The following RBFOX1 variants were observed in gnomAD, a reference collection of about 807,000 sequenced individuals.
RBFOX1 encodes RNA binding protein fox-1 homolog 1.
RBFOX1 carries 8 observed loss-of-function variants against 57.7 expected under a neutral mutation model. That is an observed-to-expected ratio of 0.14 (90% CI 0.08 to 0.25). The LOEUF (loss-of-function observed/expected upper bound fraction) is 0.25. Ranked by LOEUF, RBFOX1 falls within the 10% of genes least tolerant of loss-of-function variation. The pLI is 1.00. For missense variants in RBFOX1, 611 were observed against 548.5 expected, an observed-to-expected ratio of 1.11 and a Z score of -1.14; for synonymous variants, 326 against 222.4, an observed-to-expected ratio of 1.47 and a Z score of -4.15.
chr16:6,916,240 A>T (rs76615524), intron 3 of RBFOX1, among the ~76,000 whole-genome samples: 7 of 152,184 alleles, frequency 4.6e-5, no homozygotes, highest in Non-Finnish European at 8.8e-5. Flanking sequence ...TCAGAAGTCA[A>T]TATGGCAGAT....
intron 3 of RBFOX1, among the ~76,000 whole-genome samples, chr16:5,745,051 G>T (rs1379528557): frequency 2.6e-5 from 4 of 152,118 alleles, no homozygotes; most frequent in African/African-American, 9.7e-5. Context: ...CCATTAACTT[G>T]TCATTTACAT....
At chr16:6,460,308 G>A (rs896201461) in intron 2 of RBFOX1, among the ~76,000 whole-genome samples, 2 of 152,014 alleles carry the variant, frequency 1.3e-5, no homozygotes, top group African/African-American at 4.8e-5. Flanking sequence ...ACTGGTCATA[G>A]TGGACAACCT....
At chr16:5,604,163 C>G (rs1056678121), downstream of RBFOX1, among the ~76,000 whole-genome samples, 1 of 152,170 alleles carries the variant, frequency 6.6e-6, no homozygotes, top group Admixed American at 6.5e-5. Flanking sequence ...AGCCATATTT[C>G]AAAACCCCTG....
chr16:6,090,423 A>G (rs569562780), intron 1 of RBFOX1, among the ~76,000 whole-genome samples: 4 of 152,198 alleles, frequency 2.6e-5, no homozygotes, highest in Non-Finnish European at 5.9e-5. Flanking sequence ...TGAGTGTAGC[A>G]GCAAGCAGTC....
intron 3 of RBFOX1, among the ~76,000 whole-genome samples, chr16:6,746,815 C>G (rs1037697513): frequency 2.0e-5 from 3 of 152,074 alleles, no homozygotes; most frequent in African/African-American, 7.2e-5. Flanking sequence ...TGCTAGTGAT[C>G]CCAAGTCTGT....
At chr16:7,176,987 A>G (rs1430957363) in intron 4 of RBFOX1, among the ~76,000 whole-genome samples, 3 of 152,190 alleles carry the variant, frequency 2.0e-5, no homozygotes. Context: ...TTTCAATAGA[A>G]AAATAAAAAC....
intron 2 of RBFOX1, among the ~76,000 whole-genome samples, chr16:6,566,575 C>G (rs917612986): frequency 6.6e-6 from 1 of 152,090 alleles, no homozygotes; most frequent in African/African-American, 2.4e-5. Context: ...CCTTTGTTTG[C>G]CGAAATACTG....
chr16:5,354,560 C>T (rs914948092), intron 1 of RBFOX1, among the ~76,000 whole-genome samples: 7 of 152,222 alleles, frequency 4.6e-5, no homozygotes, highest in Non-Finnish European at 1.0e-4. Flanking sequence ...GGGATCAATA[C>T]ATTCTGGCTA....
At chr16:5,532,319 C>T in intron 2 of RBFOX1, among the ~76,000 whole-genome samples, 1 of 152,184 alleles carries the variant, frequency 6.6e-6, no homozygotes, top group African/African-American at 2.4e-5. Context: ...ATCGCCATCA[C>T]TTGAGAACCA....
At chr16:6,394,091 C>G (rs1388267892) in intron 2 of RBFOX1, among the ~76,000 whole-genome samples, 1 of 152,154 alleles carries the variant, frequency 6.6e-6, no homozygotes, top group Non-Finnish European at 1.5e-5. Context: ...CTGTGCATCT[C>G]CACTGCTTCA....
chr16:5,602,566 C>T (rs959814989), downstream of RBFOX1, among the ~76,000 whole-genome samples: 2 of 152,094 alleles, frequency 1.3e-5, no homozygotes, highest in African/African-American at 4.8e-5. Flanking sequence ...TTATATGATT[C>T]CAATTGTGTG....
At chr16:5,908,070 G>GTGTGTGTGTGTATA (rs531475482) in intron 4 of RBFOX1, among the ~76,000 whole-genome samples, 22 of 129,046 alleles carry the variant, frequency 1.7e-4, no homozygotes, top group African/African-American at 6.0e-4. Flanking sequence ...ATGTGTGTAT[G>GTGTGTGTGTGTATA]TATATATATA....
At chr16:6,750,091 G>C (rs116988221) in intron 3 of RBFOX1, among the ~76,000 whole-genome samples, 1 of 152,076 alleles carries the variant, frequency 6.6e-6, no homozygotes, top group African/African-American at 2.4e-5. Flanking sequence ...GAGGTGTATA[G>C]GGTTATGATC....
At chr16:6,689,720 G>A (rs1055100472) in intron 3 of RBFOX1, among the ~76,000 whole-genome samples, 3 of 152,220 alleles carry the variant, frequency 2.0e-5, no homozygotes, top group East Asian at 1.9e-4. Flanking sequence ...GTTCTGTTTG[G>A]TTCTTCCCTG....
At chr16:7,581,232 C>A (rs1316445536) in intron 6 of RBFOX1, among the ~76,000 whole-genome samples, 1 of 152,148 alleles carries the variant, frequency 6.6e-6, no homozygotes, top group Non-Finnish European at 1.5e-5. Flanking sequence ...TTGGTAATAA[C>A]CTTGAGTTGA....
chr16:7,490,891 T>C lies in RBFOX1; in HGVS notation c.28-27256T>C, dbSNP rs1457103903. On this transcript the variant is annotated intron_variant, in intron 4 of 15. Coordinates refer to ENST00000550418, the MANE Select transcript of RBFOX1 (RefSeq NM_018723.4). Reference sequence around the variant, plus strand: ...TGTTTTGCTCTGACATTAGGGTGTCTTTATCAGCCTAAGGATACATAGATT... The same window carrying C: ...TGTTTTGCTCTGACATTAGGGTGTCCTTATCAGCCTAAGGATACATAGATT... Among the ~76,000 whole-genome samples, 3 of 152,220 alleles carry C rather than the reference T, an allele frequency of 2.0e-5. No individual in the cohort carries two copies. In the East Asian group the frequency reaches 5.8e-4, roughly 29 times the overall value.
chr16:5,801,692 C>T (rs536608350), intron 3 of RBFOX1, among the ~76,000 whole-genome samples: 14 of 152,268 alleles, frequency 9.2e-5, no homozygotes, highest in African/African-American at 2.6e-4. Context: ...TAATGGCAGG[C>T]ACAATGTGCC....
intron 3 of RBFOX1, among the ~76,000 whole-genome samples, chr16:6,905,281 C>T (rs1247346753): frequency 6.6e-6 from 1 of 151,924 alleles, no homozygotes; most frequent in East Asian, 1.9e-4. Flanking sequence ...TGGCTGGCCT[C>T]AGTAGGTCAT....
At chr16:7,348,776 T>G (rs1438119861) in intron 4 of RBFOX1, among the ~76,000 whole-genome samples, 1 of 152,132 alleles carries the variant, frequency 6.6e-6, no homozygotes, top group East Asian at 1.9e-4. Flanking sequence ...ACTTCATCTC[T>G]ACTAAAAATG....
Sources: gnomAD v4.1 joint callset for allele counts (sites outside exome capture counted in the v4.1 genomes callset) on GRCh38, gnomAD v4.1.1 for gene constraint, MANE v1.5 for transcripts, NCBI Gene and HGNC (gene_info 2026-07-23, HGNC 2026-07-21) for gene names.